SH3KBP1: variants seen among roughly 807,000 people sequenced by gnomAD.
SH3KBP1 encodes the protein SH3 domain-containing kinase-binding protein 1.
In SH3KBP1, 8 loss-of-function variants were observed where a neutral mutation model predicts 50.1. That is an observed-to-expected ratio of 0.16 (90% CI 0.09 to 0.29). SH3KBP1 has a LOEUF of 0.29. SH3KBP1 is among the 10% of genes least tolerant of loss of function. The pLI, the probability that SH3KBP1 is intolerant of heterozygous loss-of-function variation, is 1.00. For synonymous variants in SH3KBP1, 227 were observed against 218.6 expected (o/e 1.04, Z -0.34); for missense variants, 377 against 535.2 (o/e 0.70, Z 2.92).
At chrX:19,739,677 C>T (rs764043321) in intron 3 of SH3KBP1, among the ~76,000 whole-genome samples, 4 of 108,574 alleles carry the variant, frequency 3.7e-5, no homozygotes, top group African/African-American at 1.3e-4. Context: ...AATTCTTAGG[C>T]GAAAAAGCAA....
chrX:19,777,925 G>A (rs776877611), intron 2 of SH3KBP1, among the ~76,000 whole-genome samples: 2 of 111,181 alleles, frequency 1.8e-5, no homozygotes, highest in Non-Finnish European at 3.8e-5. Flanking sequence ...TCTGGTGTGA[G>A]AGTCACCACC....
intron 14 of SH3KBP1, 21 bp from the exon 15 acceptor site, chrX:19,546,071 T>C: frequency 8.3e-7 from 1 of 1,209,614 alleles, no homozygotes; most frequent in Admixed American, 2.2e-5. Flanking sequence ...CAAAAGAAAA[T>C]GCTTTTGTCA....
At chrX:19,760,259 C>T (rs4825246) in intron 2 of SH3KBP1, among the ~76,000 whole-genome samples, 17,573 of 108,460 alleles carry the variant, frequency 0.16, 1,144 homozygotes, top group African/African-American at 0.18. Context: ...CGGTGGCAGG[C>T]GCCTGTAGTT....
At chrX:19,621,935 C>T (rs1385699962) in intron 8 of SH3KBP1, among the ~76,000 whole-genome samples, 5 of 112,338 alleles carry the variant, frequency 4.5e-5, no homozygotes, top group Non-Finnish European at 9.4e-5. Flanking sequence ...AATAAAAACA[C>T]TGAAAGCCCT....
At chrX:19,607,036 C>T (rs1349227165) in intron 9 of SH3KBP1, among the ~76,000 whole-genome samples, 1 of 112,960 alleles carries the variant, frequency 8.9e-6, no homozygotes, top group Non-Finnish European at 1.9e-5. Flanking sequence ...TAAACAATTA[C>T]ATCCATTCAT....
intron 1 of SH3KBP1, among the ~76,000 whole-genome samples, chrX:19,839,335 CA>C (rs2068158230): frequency 9.9e-6 from 1 of 101,345 alleles, no homozygotes; most frequent in Non-Finnish European, 2.0e-5. Context: ...AAAAAAAAAA[CA>C]AAATTTTTTT....
intron 7 of SH3KBP1, among the ~76,000 whole-genome samples, chrX:19,637,093 T>C (rs979943356): frequency 8.9e-6 from 1 of 112,496 alleles, no homozygotes; most frequent in East Asian, 2.8e-4. Context: ...GACAGGATTA[T>C]TCAGATTTTA....
chrX:19,741,316 C>G (rs2064762227), intron 3 of SH3KBP1, among the ~76,000 whole-genome samples: 2 of 111,953 alleles, frequency 1.8e-5, no homozygotes, highest in Admixed American at 1.9e-4. Flanking sequence ...CAGAGCTAGA[C>G]CTGTTACAAA....
intron 2 of SH3KBP1, among the ~76,000 whole-genome samples, chrX:19,766,294 G>A (rs2065601862): frequency 9.1e-6 from 1 of 109,368 alleles, no homozygotes; most frequent in Non-Finnish European, 1.9e-5. Flanking sequence ...TCTGCTTGTT[G>A]GTCATTGGTA....
At chrX:19,587,130 G>A (rs2066593565) in intron 12 of SH3KBP1, among the ~76,000 whole-genome samples, 1 of 108,672 alleles carries the variant, frequency 9.2e-6, no homozygotes, top group African/African-American at 3.4e-5. Context: ...GCTGGGGCAG[G>A]TGAATCCCTT....
intron 1 of SH3KBP1, among the ~76,000 whole-genome samples, chrX:19,844,192 G>A (rs921284260): frequency 1.3e-4 from 14 of 111,248 alleles, no homozygotes; most frequent in Admixed American, 1.9e-4. Context: ...TATGCTGTGA[G>A]GGCTTCCCCG....
At chrX:19,878,593 G>T (rs1445239793) in intron 1 of SH3KBP1, among the ~76,000 whole-genome samples, 3 of 108,543 alleles carry the variant, frequency 2.8e-5, no homozygotes, top group African/African-American at 1.0e-4. Flanking sequence ...AAAAAGCCAC[G>T]CTTTCCCTTT....
chrX:19,786,104 T>G (rs2066339204), intron 2 of SH3KBP1, among the ~76,000 whole-genome samples: 1 of 112,248 alleles, frequency 8.9e-6, no homozygotes, highest in African/African-American at 3.2e-5. Flanking sequence ...ATTTTTTACA[T>G]TTTTTTAAGT....
chrX:19,669,308 A>G (rs1226858965), intron 6 of SH3KBP1, among the ~76,000 whole-genome samples: 2 of 99,794 alleles, frequency 2.0e-5, no homozygotes, highest in Non-Finnish European at 3.9e-5. Flanking sequence ...TCAACTTTGA[A>G]TAATAATAAT....
intron 2 of SH3KBP1, among the ~76,000 whole-genome samples, chrX:19,833,171 C>T (rs745871870): frequency 7.2e-5 from 8 of 110,453 alleles, no homozygotes; most frequent in African/African-American, 2.0e-4. Context: ...CACGGTCCTC[C>T]TCTCCTTCCC....
intron 12 of SH3KBP1, among the ~76,000 whole-genome samples, chrX:19,570,764 T>C (rs2065981985): frequency 9.0e-6 from 1 of 111,452 alleles, no homozygotes; most frequent in African/African-American, 3.3e-5. Flanking sequence ...GGGACCAGCC[T>C]GGGCAATGTG....
chrX:19,843,746 T>G (rs1046499295), intron 1 of SH3KBP1, among the ~76,000 whole-genome samples: 1 of 110,961 alleles, frequency 9.0e-6, no homozygotes, highest in African/African-American at 3.3e-5. Flanking sequence ...GCAGGCCCAG[T>G]AGCAGCTCAA....
chrX:19,844,262 C>T (rs934487570), intron 1 of SH3KBP1, among the ~76,000 whole-genome samples: 1 of 111,515 alleles, frequency 9.0e-6, no homozygotes, highest in African/African-American at 3.3e-5. Context: ...TCTGAGCACC[C>T]TCTCCTCCTC....
At chrX:19,556,357 C>T (rs1208169167) in intron 13 of SH3KBP1, among the ~76,000 whole-genome samples, 1 of 109,485 alleles carries the variant, frequency 9.1e-6, no homozygotes, top group Non-Finnish European at 1.9e-5. Flanking sequence ...GTACTTTCTC[C>T]GCATTGCAGA....
Sources: allele counts gnomAD v4.1 joint callset (sites outside exome capture counted in the v4.1 genomes callset), GRCh38; gene constraint gnomAD v4.1.1; transcripts MANE v1.5; gene names NCBI Gene and HGNC (gene_info 2026-07-23, HGNC 2026-07-21).